Variants in THOC7 observed in about 807,000 individuals in gnomAD.
THOC7 encodes the protein NIF3L1-binding protein 1.
THOC7 carries 22 observed loss-of-function variants against 33.1 expected under a neutral mutation model. That is an observed-to-expected ratio of 0.66 (90% CI 0.47 to 0.95). The LOEUF (loss-of-function observed/expected upper bound fraction) is 0.95, where lower values mean the gene tolerates loss of function less well. THOC7 is among the 40% of genes least tolerant of loss of function. The pLI is 0.00. For missense variants in THOC7, 184 were observed against 245.3 expected, an observed-to-expected ratio of 0.75 and a Z score of 1.67; for synonymous variants, 77 against 76.8, an observed-to-expected ratio of 1.00 and a Z score of -0.01.
At chr3:63,838,145 C>G (rs1208382186) in intron 3 of THOC7, 83 bp from the exon 4 acceptor site, 2 of 1,299,254 alleles carry the variant, frequency 1.5e-6, no homozygotes, top group Admixed American at 2.3e-5. Context: ...ATAAATTAAC[C>G]TCTATTGGTA....
chr3:63,838,827 T>C (rs1273044862), intron 2 of THOC7, among the ~76,000 whole-genome samples: 1 of 152,222 alleles, frequency 6.6e-6, no homozygotes, highest in Non-Finnish European at 1.5e-5. Context: ...GTTCCCACAA[T>C]TTTTTCACTC....
At chr3:63,842,146 C>T (rs1346465848) in intron 1 of THOC7, among the ~76,000 whole-genome samples, 3 of 152,072 alleles carry the variant, frequency 2.0e-5, no homozygotes, top group African/African-American at 7.2e-5. Flanking sequence ...ATTTAACAGC[C>T]ATTGAAATGA....
intron 1 of THOC7, among the ~76,000 whole-genome samples, chr3:63,850,540 C>G (rs1701997953): frequency 6.7e-6 from 1 of 148,484 alleles, no homozygotes; most frequent in African/African-American, 2.5e-5. Flanking sequence ...ACTAGATTAC[C>G]AACTAAACAA....
At chr3:63,863,287 C>T in intron 1 of THOC7, 1 of 264,532 alleles carries the variant, frequency 3.8e-6, no homozygotes, top group Non-Finnish European at 5.9e-6. Context: ...ATTCCCGCCC[C>T]GTCCCTGGAG....
chr3:63,859,062 T>G (rs1702161532), intron 1 of THOC7, among the ~76,000 whole-genome samples: 1 of 152,218 alleles, frequency 6.6e-6, no homozygotes, highest in African/African-American at 2.4e-5. Flanking sequence ...GGACAGGTAC[T>G]GGTACTCCTC....
At chr3:63,860,907 G>C (rs1178666096) in intron 1 of THOC7, 1 of 152,116 alleles carries the variant, frequency 6.6e-6, no homozygotes, top group Non-Finnish European at 1.5e-5. Flanking sequence ...AAGAAAAGAG[G>C]GGATTTTTGA....
chr3:63,856,615 T>C (rs1215542573), intron 1 of THOC7, among the ~76,000 whole-genome samples: 1 of 152,086 alleles, frequency 6.6e-6, no homozygotes, highest in Non-Finnish European at 1.5e-5. Flanking sequence ...CAAGCATATA[T>C]ACCCACTGGT....
At chr3:63,835,265 TATAG>T (rs776123092) in intron 6 of THOC7, 42 bp from the exon 7 acceptor site, 3 of 1,612,146 alleles carry the variant, frequency 1.9e-6, no homozygotes, top group South Asian at 2.2e-5. Flanking sequence ...GACCTGTATA[TATAG>T]ATATATAGAC....
intron 1 of THOC7, chr3:63,844,942 C>T (rs757050645): frequency 1.9e-5 from 11 of 589,728 alleles, no homozygotes; most frequent in African/African-American, 9.2e-5. Flanking sequence ...AATGTGGAAG[C>T]GGCAAGTGTT....
At chr3:63,856,097 A>G (rs895066874) in intron 1 of THOC7, among the ~76,000 whole-genome samples, 18 of 152,240 alleles carry the variant, frequency 1.2e-4, no homozygotes, top group Non-Finnish European at 2.5e-4. Flanking sequence ...AAATGCCAAT[A>G]GAGGATCTGT....
intron 1 of THOC7, chr3:63,846,300 T>C: frequency 2.6e-6 from 1 of 391,396 alleles, no homozygotes; most frequent in South Asian, 1.9e-5. Flanking sequence ...TTGCACTCCC[T>C]GGACAAAAAT....
chr3:63,849,883 A>T (rs1254475949), intron 1 of THOC7, among the ~76,000 whole-genome samples: 1 of 152,208 alleles, frequency 6.6e-6, no homozygotes, highest in Non-Finnish European at 1.5e-5. Context: ...CTCAAGCCCT[A>T]TAAGCAAAAG....
At chr3:63,849,384 T>A (rs182278313) in intron 1 of THOC7, among the ~76,000 whole-genome samples, 2 of 152,150 alleles carry the variant, frequency 1.3e-5, no homozygotes, top group East Asian at 3.9e-4. Context: ...TAAGACACCA[T>A]CTCAAAAAAA....
intron 6 of THOC7, 37 bp downstream of exon 6, chr3:63,835,283 CAGAT>C (rs774042036): frequency 1.8e-4 from 295 of 1,610,518 alleles, no homozygotes; most frequent in East Asian, 4.0e-4. Flanking sequence ...TATAGACAGA[CAGAT>C]AGACAGATCA....
At chr3:63,841,924 G>T (rs1246455424) in intron 1 of THOC7, among the ~76,000 whole-genome samples, 1 of 152,118 alleles carries the variant, frequency 6.6e-6, no homozygotes, top group East Asian at 1.9e-4. Flanking sequence ...AAGTCTCCAA[G>T]AAATACCATT....
At chr3:63,841,187 A>G (rs141722624) in intron 1 of THOC7, among the ~76,000 whole-genome samples, 3,602 of 152,314 alleles carry the variant, frequency 0.024, 78 homozygotes, top group African/African-American at 0.06. Context: ...ATATGTTGCC[A>G]TATGTGTGGA....
intron 1 of THOC7, among the ~76,000 whole-genome samples, chr3:63,842,596 G>C (rs1251698976): frequency 6.6e-6 from 1 of 152,116 alleles, no homozygotes; most frequent in African/African-American, 2.4e-5. Context: ...AGTAACTCAG[G>C]AATGGAAAAT....
At chr3:63,856,953 C>T (rs832190) in intron 1 of THOC7, among the ~76,000 whole-genome samples, 89,287 of 152,072 alleles carry the variant, frequency 0.59, 26,606 homozygotes, top group South Asian at 0.66. Flanking sequence ...CGCCTGACCT[C>T]GTGACCTACC....
At chr3:63,835,698 T>C (rs536837009) in intron 5 of THOC7, among the ~76,000 whole-genome samples, 1 of 152,236 alleles carries the variant, frequency 6.6e-6, no homozygotes, top group East Asian at 1.9e-4. Flanking sequence ...GGGTTTTTTA[T>C]TTTGGTAAAA....
Sources: gnomAD v4.1 joint callset for allele counts (sites outside exome capture counted in the v4.1 genomes callset) on GRCh38, gnomAD v4.1.1 for gene constraint, MANE v1.5 for transcripts, NCBI Gene and HGNC (gene_info 2026-07-23, HGNC 2026-07-21) for gene names.